HRCT1: variants seen among roughly 807,000 people sequenced by gnomAD.
HRCT1 encodes the protein histidine-rich carboxyl terminus protein 1.
For missense variants in HRCT1, 185 were observed against 161.3 expected, an observed-to-expected ratio of 1.15 and a Z score of -0.80; for synonymous variants, 76 against 69.0, an observed-to-expected ratio of 1.10 and a Z score of -0.50.
rs765274731 is a variant in HRCT1, at chr9:35,906,477, C to T, written c.190C>T (p.Arg64Trp). ...RRAQPWPFRR[R>W]GHLGIFHHHR... is the part of the protein sequence containing the mutation. ...GGCCCAGCCTTGGCCCTTCCGGCGGCGGGGCCACCTGGGAATCTTTCACCA... is the reference window on the plus strand; with the variant it reads ...GGCCCAGCCTTGGCCCTTCCGGCGGTGGGGCCACCTGGGAATCTTTCACCA... The change falls in exon 1 of 1, where the codon CGG (arginine) becomes TGG (tryptophan). Residue 64 changes from arginine (R) to tryptophan (W), a missense_variant. Coordinates refer to ENST00000354323, the MANE Select transcript of HRCT1 (RefSeq NM_001039792.2). 4.3e-5 allele frequency: 70 copies of T among 1,612,526 alleles called. 1 individual carries two copies. In the Admixed American group the frequency reaches 6.5e-4, roughly 15 times the overall value.
At position 35,907,022 on chromosome 9, in the gene HRCT1, G is replaced by A. The variant is rs943649292; in HGVS notation, c.*387G>A. The A allele has an allele frequency of 9.5e-5, 28 of 295,320 alleles. No individual in the cohort carries two copies. The highest frequency in any genetic ancestry group is 7.4e-4 in the Admixed American group (16 of 21,564). The allele number at this position is 295,320 out of a possible 1,614,324, so 18.3% of individuals were successfully genotyped here. Reference sequence around the variant, plus strand: ...CATCAGGCTGCTGCAGGCCTCTGGCGGGCAGGGCACTGGGAGAGGCCCTGA... The same window carrying A: ...CATCAGGCTGCTGCAGGCCTCTGGCAGGCAGGGCACTGGGAGAGGCCCTGA... On this transcript the variant is annotated 3_prime_UTR_variant, in exon 1 of 1. Transcript: ENST00000354323.
At position 35,906,537 on chromosome 9, in the gene HRCT1, A is replaced by G; in HGVS notation, c.250A>G (p.Asn84Asp). Reference sequence around the variant, plus strand: ...TCCTGGCCACGTATCTCATGTGCCGAATGTGGGCCTCCACCACCACCACCA... The same window carrying G: ...TCCTGGCCACGTATCTCATGTGCCGGATGTGGGCCTCCACCACCACCACCA... ...RHPGHVSHVP[N>D]VGLHHHHHPR... is the part of the protein sequence containing the mutation. Residue 84 changes from asparagine to aspartate, a missense_variant, in exon 1 of 1, where the codon AAT becomes GAT. Transcript: ENST00000354323. The G allele has an allele frequency of 1.3e-6, 2 of 1,521,786 alleles. No homozygotes were observed. Among genetic ancestry groups the G allele is most frequent in the Non-Finnish European group, 1.8e-6 (2 of 1,130,122 alleles). The allele number at this position is 1,521,786 out of a possible 1,614,324, so 94.3% of individuals were successfully genotyped here.
Position 35,906,598 on chromosome 9 carries a change from A to ACCACCACCG in HRCT1, c.316_317insACCGCCACC (p.His105_Pro106insHisArgHis). Reference sequence around the variant, plus strand: ...ACCCCTCACCACCTCCACCACCACCACCACCCCCACCGCCACCATCCCCGC... The same window carrying ACCACCACCG: ...ACCCCTCACCACCTCCACCACCACCACCACCACCGCCACCCCCACCGCCACCATCCCCGC... On this transcript the variant is annotated inframe_insertion, in exon 1 of 1. Transcript: ENST00000354323. 3 of 1,194,688 alleles carry ACCACCACCG rather than the reference A, an allele frequency of 2.5e-6. No individual in the cohort carries two copies. Among genetic ancestry groups the ACCACCACCG allele is most frequent in the East Asian group, 6.6e-5 (2 of 30,264 alleles). 74.0% of individuals were successfully genotyped at this position (1,194,688 alleles called of 1,614,324 possible).
chr9:35,906,266 A>T lies in HRCT1; in HGVS notation c.-22A>T, dbSNP rs1833078569. ...AAAGGAGTGAGGAGCTGCTGGGCAG[A>T]GAGGGACTGTCCGGCTCCCAGATGC... On this transcript the variant is annotated 5_prime_UTR_variant, in exon 1 of 1. Coordinates refer to ENST00000354323, the MANE Select transcript of HRCT1 (RefSeq NM_001039792.2). 1 of 1,580,462 alleles carries T rather than the reference A, an allele frequency of 6.3e-7. No individual in the cohort carries two copies. Among genetic ancestry groups the T allele is most frequent in the Non-Finnish European group, 8.6e-7 (1 of 1,161,826 alleles).
At chr9:35,906,598 A>ACCACCACCACCACCACCAC in the HRCT1 span, 1 of 1,194,688 alleles carries the variant, frequency 8.4e-7, no homozygotes, top group Admixed American at 2.6e-5. Flanking sequence ...CACCACCACC[A>ACCACCACCACCACCACCAC]CCACCCCCAC....
Position 35,906,339 on chromosome 9 carries a change from G to C in HRCT1, c.52G>C (p.Ala18Pro), listed in dbSNP as rs766340247. Reference protein sequence around the residue: ...TALVGWITGAAVAVLLLLLLL... With the variant: ...TALVGWITGAPVAVLLLLLLL... ...CCTCGTGGGATGGATCACAGGTGCT[G>C]CTGTGGCGGTCCTGCTGCTGCTGCT... Residue 18 changes from alanine to proline, a missense_variant, in exon 1 of 1, where the codon GCT becomes CCT. Coordinates refer to ENST00000354323, the MANE Select transcript of HRCT1 (RefSeq NM_001039792.2). 7.4e-5 allele frequency: 120 copies of C among 1,611,368 alleles called. 1 individual carries two copies. The South Asian group carries it at 1.3e-3, about 17-fold the overall frequency.
Position 35,907,068 on chromosome 9 carries a change from G to A in HRCT1, c.*433G>A, listed in dbSNP as rs1833112754. 2 of 229,646 alleles carry A rather than the reference G, an allele frequency of 8.7e-6. No individual in the cohort carries two copies. Among genetic ancestry groups the A allele is most frequent in the East Asian group, 1.9e-4 (2 of 10,388 alleles). 14.2% of individuals were successfully genotyped at this position (229,646 alleles called of 1,614,324 possible). A position where few individuals can be genotyped will look rare whatever the true frequency, so the allele number is the denominator to read the frequency against. On this transcript the variant is annotated 3_prime_UTR_variant, in exon 1 of 1. Transcript: ENST00000354323. ...CCTGAGAATGTCCTTTTGGTTTGGA[G>A]AAGGCAGTGTGAGGCTGCACAGTCA...
Position 35,906,592 on chromosome 9 carries a change from A to ACCACCCCCACCG in HRCT1, c.310_311insCCCACCGCCACC (p.His103_His104insProHisArgHis), listed in dbSNP as rs1554690906. On this transcript the variant is annotated inframe_insertion, in exon 1 of 1. Transcript: ENST00000354323. ...CGCCACACCCCTCACCACCTCCACCACCACCACCACCCCCACCGCCACCAT... is the reference window on the plus strand; with the variant it reads ...CGCCACACCCCTCACCACCTCCACCACCACCCCCACCGCCACCACCACCCCCACCGCCACCAT... The ACCACCCCCACCG allele has an allele frequency of 7.8e-6, 10 of 1,278,188 alleles. No homozygotes were observed. In the African/African-American group the frequency reaches 2.2e-4, roughly 28 times the overall value. The allele number at this position is 1,278,188 out of a possible 1,614,324, so 79.2% of individuals were successfully genotyped here.
Position 35,906,583 on chromosome 9 carries a change from A to ACCTCCACCACCACCTCCACCG in HRCT1, c.310_311insTCCACCGCCTCCACCACCACC (p.His103_His104insLeuHisArgLeuHisHisHis). Reference sequence around the variant, plus strand: ...CACCACCCCCGCCACACCCCTCACCACCTCCACCACCACCACCACCCCCAC... The same window carrying ACCTCCACCACCACCTCCACCG: ...CACCACCCCCGCCACACCCCTCACCACCTCCACCACCACCTCCACCGCCTCCACCACCACCACCACCCCCAC... On this transcript the variant is annotated inframe_insertion, in exon 1 of 1. Coordinates refer to ENST00000354323, the MANE Select transcript of HRCT1 (RefSeq NM_001039792.2). The ACCTCCACCACCACCTCCACCG allele has an allele frequency of 5.0e-6, 7 of 1,390,170 alleles. No individual in the cohort carries two copies. The highest frequency in any genetic ancestry group is 6.7e-6 in the Non-Finnish European group (7 of 1,051,828). The allele number at this position is 1,390,170 out of a possible 1,614,324, so 86.1% of individuals were successfully genotyped here.
Position 35,906,778 on chromosome 9 carries a change from T to C in HRCT1, c.*143T>C. On this transcript the variant is annotated 3_prime_UTR_variant, in exon 1 of 1. Transcript: ENST00000354323. ...ACAATAGACTGGGGCTTGCTCCAGC[T>C]GCATTTGCATGGCATGCCCCAGTGT... 1 of 1,140,676 alleles carries C rather than the reference T, an allele frequency of 8.8e-7. No individual in the cohort carries two copies. The highest frequency in any genetic ancestry group is 1.2e-6 in the Non-Finnish European group (1 of 809,676). 70.7% of individuals were successfully genotyped at this position (1,140,676 alleles called of 1,614,324 possible).
rs1292496168 is a variant in HRCT1 at position 35,906,518 on chromosome 9, C to T, written c.231C>T (p.Gly77=). The T allele has an allele frequency of 3.1e-6, 5 of 1,611,446 alleles. No individual in the cohort carries two copies. The highest frequency in any genetic ancestry group is 2.2e-5 in the East Asian group (1 of 44,848). ...TCTTTCACCATCACCGTCATCCTGG[C>T]CACGTATCTCATGTGCCGAATGTGG... ...LGIFHHHRHP[G]HVSHVPNVGL... is the part of the protein sequence containing the mutation. Residue 77 remains glycine (G), a synonymous_variant, in exon 1 of 1, where the codon GGC becomes GGT. Coordinates refer to ENST00000354323, the MANE Select transcript of HRCT1 (RefSeq NM_001039792.2).
Position 35,906,586 on chromosome 9 carries a change from T to TCCACCACCACCACCACCC in HRCT1, c.305_322dup (p.His102_His107dup), listed in dbSNP as rs1554690887. 859 of 1,189,924 alleles carry TCCACCACCACCACCACCC rather than the reference T, an allele frequency of 7.2e-4. 18 individuals carry two copies. The African/African-American group carries it at 0.016, about 22-fold the overall frequency. 73.7% of individuals were successfully genotyped at this position (1,189,924 alleles called of 1,614,324 possible). A position where few individuals can be genotyped will look rare whatever the true frequency, so the allele number is the denominator to read the frequency against. On this transcript the variant is annotated inframe_insertion, in exon 1 of 1. Coordinates refer to ENST00000354323, the MANE Select transcript of HRCT1 (RefSeq NM_001039792.2). ...CACCCCCGCCACACCCCTCACCACC[T>TCCACCACCACCACCACCC]CCACCACCACCACCACCCCCACCGC...
In HRCT1 at chr9:35,906,561, C is replaced by A. The variant is rs1194091473; in HGVS notation, c.274C>A (p.His92Asn). Residue 92 changes from histidine to asparagine, a missense_variant, in exon 1 of 1, where the codon CAC (histidine) becomes AAC (asparagine). His to Asn is a moderately conservative substitution (Grantham distance 68). Transcript: ENST00000354323. ...VPNVGLHHHHHPRHTPHHLHH... is the reference protein window; with the variant it reads ...VPNVGLHHHHNPRHTPHHLHH... ...GAATGTGGGCCTCCACCACCACCAC[C>A]ACCCCCGCCACACCCCTCACCACCT... The A allele has an allele frequency of 8.4e-6, 13 of 1,542,714 alleles. No homozygotes were observed. Among genetic ancestry groups the A allele is most frequent in the African/African-American group, 4.1e-5 (3 of 72,994 alleles).
Position 35,906,683 on chromosome 9 carries a change from A to G in HRCT1, c.*48A>G. 2 of 1,359,478 alleles carry G rather than the reference A, an allele frequency of 1.5e-6. No homozygotes were observed. Among genetic ancestry groups the G allele is most frequent in the Non-Finnish European group, 2.0e-6 (2 of 1,023,128 alleles). 84.2% of individuals were successfully genotyped at this position (1,359,478 alleles called of 1,614,324 possible). On this transcript the variant is annotated 3_prime_UTR_variant, in exon 1 of 1. Coordinates refer to ENST00000354323, the MANE Select transcript of HRCT1 (RefSeq NM_001039792.2). ...GGACAGCAGCTGCCCCTGCCCTCCCATCTGTTCCCAGGACAAGTGGACCCC... is the reference window on the plus strand; with the variant it reads ...GGACAGCAGCTGCCCCTGCCCTCCCGTCTGTTCCCAGGACAAGTGGACCCC...
chr9:35,907,112 C>G lies in HRCT1; in HGVS notation c.*477C>G. 1 of 183,436 alleles carries G rather than the reference C, an allele frequency of 5.5e-6. No individual in the cohort carries two copies. Among genetic ancestry groups the G allele is most frequent in the Non-Finnish European group, 1.3e-5 (1 of 78,948 alleles). The allele number at this position is 183,436 out of a possible 1,614,324, so 11.4% of individuals were successfully genotyped here. A position where few individuals can be genotyped will look rare whatever the true frequency, so the allele number is the denominator to read the frequency against. On this transcript the variant is annotated 3_prime_UTR_variant, in exon 1 of 1. Transcript: ENST00000354323. Reference sequence around the variant, plus strand: ...ACAGTCAATTCATCGGTGCCTTAGTCCAAGAAAATAAAAACCACTAAGAAG... The same window carrying G: ...ACAGTCAATTCATCGGTGCCTTAGTGCAAGAAAATAAAAACCACTAAGAAG...
At position 35,906,714 on chromosome 9, in the gene HRCT1, T is replaced by C. The variant is rs1833108735; in HGVS notation, c.*79T>C. On this transcript the variant is annotated 3_prime_UTR_variant, in exon 1 of 1. Transcript: ENST00000354323. ...TCCCAGGACAAGTGGACCCCATGTT[T>C]CCATGTGGAAGGATGCATCTCTGGG... The C allele has an allele frequency of 4.0e-6, 6 of 1,485,540 alleles. No individual in the cohort carries two copies. Among genetic ancestry groups the C allele is most frequent in the Non-Finnish European group, 5.4e-6 (6 of 1,107,128 alleles). 92.0% of individuals were successfully genotyped at this position (1,485,540 alleles called of 1,614,324 possible).
At position 35,906,571 on chromosome 9, in the gene HRCT1, ACACCCCTCACCACCT is replaced by A. The variant is rs1833092395; in HGVS notation, c.286_300del (p.Thr96_Leu100del). Reference sequence around the variant, plus strand: ...CTCCACCACCACCACCACCCCCGCCACACCCCTCACCACCTCCACCACCACCACCACCCCCACCGC... The same window carrying A: ...CTCCACCACCACCACCACCCCCGCCACCACCACCACCACCACCCCCACCGC... On this transcript the variant is annotated inframe_deletion, in exon 1 of 1. Transcript: ENST00000354323. 28 of 1,396,900 alleles carry A rather than the reference ACACCCCTCACCACCT, an allele frequency of 2.0e-5. No homozygotes were observed. The highest frequency in any genetic ancestry group is 5.6e-5 in the African/African-American group (3 of 53,474). The allele number at this position is 1,396,900 out of a possible 1,614,324, so 86.5% of individuals were successfully genotyped here.
At position 35,906,416 on chromosome 9, in the gene HRCT1, G is replaced by C; in HGVS notation, c.129G>C (p.Arg43Ser). 6.2e-7 allele frequency: 1 copy of C among 1,612,960 alleles called. No homozygotes were observed. The highest frequency in any genetic ancestry group is 1.1e-5 in the South Asian group (1 of 91,082). ...FHGRQDCDVE[R>S]NRTAAGGNRV... ...GACGGCAGGACTGTGACGTGGAGAG[G>C]AACCGTACAGCTGCAGGGGGAAACC... The change falls in exon 1 of 1, where the codon AGG (arginine) becomes AGC (serine). Residue 43 changes from arginine (R) to serine (S), a missense_variant. Coordinates refer to ENST00000354323, the MANE Select transcript of HRCT1 (RefSeq NM_001039792.2).
Position 35,906,598 on chromosome 9 carries a change from A to ACCACCACCCCCACCGCCACCATCC in HRCT1, c.316_317insACCCCCACCGCCACCATCCCCACC (p.His105_Pro106insHisProHisArgHisHisProHis). The ACCACCACCCCCACCGCCACCATCC allele has an allele frequency of 8.4e-7, 1 of 1,194,688 alleles. No homozygotes were observed. The highest frequency in any genetic ancestry group is 1.1e-6 in the Non-Finnish European group (1 of 910,636). 74.0% of individuals were successfully genotyped at this position (1,194,688 alleles called of 1,614,324 possible). Reference sequence around the variant, plus strand: ...ACCCCTCACCACCTCCACCACCACCACCACCCCCACCGCCACCATCCCCGC... The same window carrying ACCACCACCCCCACCGCCACCATCC: ...ACCCCTCACCACCTCCACCACCACCACCACCACCCCCACCGCCACCATCCCCACCCCCACCGCCACCATCCCCGC... On this transcript the variant is annotated inframe_insertion, in exon 1 of 1. Coordinates refer to ENST00000354323, the MANE Select transcript of HRCT1 (RefSeq NM_001039792.2).
Sources: allele counts gnomAD v4.1 joint callset, GRCh38; gene constraint gnomAD v4.1.1; transcripts MANE v1.5; gene names NCBI Gene and HGNC (gene_info 2026-07-23, HGNC 2026-07-21).